GLUD1: variants seen among roughly 807,000 people sequenced by gnomAD.
GLUD1 encodes glutamate dehydrogenase 1, also known as glutamate dehydrogenase 1, mitochondrial.
A neutral mutation model predicts 56.0 loss-of-function variants in GLUD1; 22 were observed. That is an observed-to-expected ratio of 0.39 (90% CI 0.28 to 0.56). The LOEUF is 0.56. Among genes scored for constraint, GLUD1 ranks in the 20% least tolerant of loss-of-function variants. GLUD1 has a pLI of 0.58. For missense variants in GLUD1, 451 were observed against 732.0 expected, an observed-to-expected ratio of 0.62 and a Z score of 4.43; for synonymous variants, 223 against 269.9, an observed-to-expected ratio of 0.83 and a Z score of 1.70.
intron 12 of GLUD1, among the ~76,000 whole-genome samples, chr10:87,052,903 T>C (rs949615249): frequency 1.3e-5 from 2 of 152,134 alleles, no homozygotes; most frequent in Admixed American, 6.5e-5. Flanking sequence ...TCCAAGCAGA[T>C]AGAATCTGAA....
Position 87,094,547 on chromosome 10 carries a change from C to G in GLUD1, c.223G>C (p.Asp75His), listed in dbSNP as rs1202300701. The change falls in exon 1 of 13, where the codon GAT (aspartate) becomes CAT (histidine). Residue 75 changes from aspartate (D) to histidine (H), a missense_variant. Transcript: ENST00000277865. The surrounding 1 kb of genome is among the most constrained non-coding windows in gnomAD (Gnocchi z 6.6). The part of the protein sequence containing the change: ...NFFKMVEGFF[D>H]RGASIVEDKL... The stretch of plus-strand genomic sequence containing the variant: ...TCCTCCACGATGCTGGCGCCGCGAT[C>G]GAAGAAGCCCTCCACCATCTTGAAG... The G allele has an allele frequency of 6.2e-7, 1 of 1,612,246 alleles. No homozygotes were observed. The highest frequency in any genetic ancestry group is 8.5e-7 in the Non-Finnish European group (1 of 1,179,954).
At chr10:87,081,791 C>T (rs1464017124) in intron 1 of GLUD1, among the ~76,000 whole-genome samples, 2 of 151,312 alleles carry the variant, frequency 1.3e-5, no homozygotes, top group Admixed American at 6.6e-5. Flanking sequence ...ATCTCAAGTA[C>T]CCAGGGACAC....
intron 6 of GLUD1, among the ~76,000 whole-genome samples, chr10:87,062,132 G>A (rs576578004): frequency 6.6e-6 from 1 of 152,246 alleles, no homozygotes; most frequent in African/African-American, 2.4e-5. Flanking sequence ...TGGCCAGGCT[G>A]GTCTCGAACT....
chr10:87,060,625 C>G, intron 8 of GLUD1, 63 bp downstream of exon 8: 1 of 1,599,224 alleles, frequency 6.3e-7, no homozygotes, highest in South Asian at 1.1e-5. Context: ...TCAGACTCTT[C>G]TATGACCCCC....
intron 1 of GLUD1, chr10:87,093,994 T>A: frequency 6.9e-6 from 10 of 1,443,284 alleles, no homozygotes; most frequent in Non-Finnish European, 9.2e-6. Flanking sequence ...TTCCTAGAAG[T>A]GCATTTCGGC....
intron 1 of GLUD1, chr10:87,089,623 G>A (rs1190416915): frequency 7.1e-6 from 7 of 985,232 alleles, no homozygotes; most frequent in African/African-American, 7.0e-5. Context: ...AATCTTCTAG[G>A]TGTAGTTGCC....
intron 1 of GLUD1, among the ~76,000 whole-genome samples, chr10:87,077,596 G>C (rs552298444): frequency 6.6e-6 from 1 of 150,438 alleles, no homozygotes; most frequent in Non-Finnish European, 1.5e-5. Flanking sequence ...TTACGTGTTG[G>C]TACAGGGTAT....
At chr10:87,061,932 T>C (rs1002041916) in intron 6 of GLUD1, among the ~76,000 whole-genome samples, 8 of 151,554 alleles carry the variant, frequency 5.3e-5, no homozygotes, top group East Asian at 1.9e-4. Flanking sequence ...TACAGGCGTG[T>C]ACCACCACAC....
intron 1 of GLUD1, among the ~76,000 whole-genome samples, chr10:87,087,614 G>A (rs183142488): frequency 2.4e-4 from 37 of 152,298 alleles, no homozygotes; most frequent in Admixed American, 5.9e-4. Flanking sequence ...ACCAGGCAAA[G>A]AGACCAAATA....
intron 1 of GLUD1, among the ~76,000 whole-genome samples, chr10:87,079,291 A>G (rs1334609158): frequency 1.3e-5 from 2 of 151,258 alleles, no homozygotes; most frequent in East Asian, 3.9e-4. Flanking sequence ...AAAAAAATTG[A>G]GTTGGGCGTG....
chr10:87,080,615 C>T (rs1213122552), intron 1 of GLUD1, among the ~76,000 whole-genome samples: 14 of 152,040 alleles, frequency 9.2e-5, no homozygotes, highest in African/African-American at 3.4e-4. Context: ...TGAGGAGCGC[C>T]TCTGCCCGGC....
chr10:87,058,640 C>A (rs543972137), intron 10 of GLUD1, among the ~76,000 whole-genome samples: 4 of 152,180 alleles, frequency 2.6e-5, no homozygotes, highest in African/African-American at 9.6e-5. Flanking sequence ...CGCCTGTAAT[C>A]CCAGCACTTT....
At chr10:87,073,313 T>C (rs1369365081) in intron 4 of GLUD1, among the ~76,000 whole-genome samples, 4 of 151,998 alleles carry the variant, frequency 2.6e-5, no homozygotes, top group Non-Finnish European at 4.4e-5. Context: ...ACCATCACGC[T>C]TGGATAATGT....
intron 5 of GLUD1, among the ~76,000 whole-genome samples, chr10:87,065,464 T>C (rs1196489594): frequency 6.6e-6 from 1 of 152,080 alleles, no homozygotes; most frequent in Non-Finnish European, 1.5e-5. Context: ...CAATGGGCAG[T>C]ATGTTATTTG....
chr10:87,050,971 T>C lies in GLUD1; in HGVS notation c.*780A>G, dbSNP rs1845616857. 1 of 152,932 alleles carries C rather than the reference T, an allele frequency of 6.5e-6. No individual in the cohort carries two copies. The highest frequency in any genetic ancestry group is 2.1e-4 in the South Asian group (1 of 4,832). 9.5% of individuals were successfully genotyped at this position (152,932 alleles called of 1,614,324 possible). On this transcript the variant is annotated 3_prime_UTR_variant, in exon 13 of 13. Coordinates refer to ENST00000277865, the MANE Select transcript of GLUD1 (RefSeq NM_005271.5). ...TTATAGTAAGCAAATTCTGACAGTT[T>C]TAATGAAAATAGCCTCCACCATTTT...
intron 6 of GLUD1, among the ~76,000 whole-genome samples, chr10:87,061,967 G>A (rs189324350): frequency 9.8e-4 from 149 of 152,240 alleles, no homozygotes; most frequent in African/African-American, 3.1e-3. Context: ...TATTTTTAGC[G>A]GAGACCGGGT....
chr10:87,091,942 A>C (rs9421581), intron 1 of GLUD1, among the ~76,000 whole-genome samples: 19,865 of 152,060 alleles, frequency 0.13, 2,198 homozygotes, highest in East Asian at 0.63. Context: ...AATATGTTTA[A>C]GAGGGAAAGA....
rs1036210542 is a variant in GLUD1 at position 87,094,225 on chromosome 10, G to A, written c.445+100C>T. On this transcript the variant is annotated intron_variant, in intron 1 of 12. Transcript: ENST00000277865. The surrounding 1 kb of genome is among the most constrained non-coding windows in gnomAD (Gnocchi z 6.6). ...CGGGGACCCGGCCCGCTCCAGCTGG[G>A]CTGGGCTGGGCTGAGCAGCGGCCCC... is the stretch of plus-strand genomic sequence containing the variant. 8.9e-6 allele frequency: 13 copies of A among 1,460,732 alleles called. No individual in the cohort carries two copies. The Admixed American group carries it at 2.2e-4, about 25-fold the overall frequency. The allele number at this position is 1,460,732 out of a possible 1,614,324, so 90.5% of individuals were successfully genotyped here.
intron 1 of GLUD1, among the ~76,000 whole-genome samples, chr10:87,087,047 T>C (rs1841401192): frequency 6.6e-6 from 1 of 152,120 alleles, no homozygotes; most frequent in African/African-American, 2.4e-5. Flanking sequence ...AGATGCCAGT[T>C]CCAAGTCTTG....
Sources: gnomAD v4.1 joint callset for allele counts (sites outside exome capture counted in the v4.1 genomes callset) on GRCh38, gnomAD v4.1.1 for gene constraint, Gnocchi (gnomAD v3.1) non-coding constraint, MANE v1.5 for transcripts, NCBI Gene and HGNC (gene_info 2026-07-23, HGNC 2026-07-21) for gene names.